Variants in MCAM observed in about 807,000 individuals in gnomAD.
MCAM encodes the protein melanoma cell adhesion molecule, also known as cell surface glycoprotein MUC18.
Under a neutral mutation model 79.1 loss-of-function variants are expected in MCAM, and 55 were observed. That is an observed-to-expected ratio of 0.70 (90% CI 0.56 to 0.87). MCAM has a LOEUF of 0.87. Among genes scored for constraint, MCAM ranks in the 40% least tolerant of loss-of-function variants. The probability of loss-of-function intolerance (pLI) is 0.00; values close to 1 mark genes in which losing one functional copy is unlikely to be tolerated. For synonymous variants in MCAM, 330 were observed against 339.8 expected (o/e 0.97, Z 0.32); for missense variants, 745 against 839.8 (o/e 0.89, Z 1.40).
rs1484623052 is a variant in MCAM at position 119,315,123 on chromosome 11, G to C, written c.192+16C>G. 1 of 1,613,270 alleles carries C rather than the reference G, an allele frequency of 6.2e-7. No individual in the cohort carries two copies. The highest frequency in any genetic ancestry group is 1.7e-5 in the Admixed American group (1 of 60,028). On this transcript the variant is annotated intron_variant, in intron 2 of 15. Coordinates refer to ENST00000264036, the MANE Select transcript of MCAM (RefSeq NM_006500.3). This position sits in a 1 kb window ranked among gnomAD's most constrained non-coding sequence, Gnocchi z 4.4. ...CTCCCTCCCCGGGCTGCTCTTGCAGGAGCCCAAGCACTCACAGAAAACCAG... is the reference window on the plus strand; with the variant it reads ...CTCCCTCCCCGGGCTGCTCTTGCAGCAGCCCAAGCACTCACAGAAAACCAG...
Position 119,312,723 on chromosome 11 carries a change from T to TCCAGCAGCC in MCAM, c.739+38_739+46dup. ...GGATAAGGGGGAGCCAGCAGGAGTT[T>TCCAGCAGCC]CCAGCAGCCCCAGCCCCAGTAAGCA... is the stretch of plus-strand genomic sequence containing the variant. On this transcript the variant is annotated intron_variant, in intron 6 of 15. Transcript: ENST00000264036. This position sits in a 1 kb window ranked among gnomAD's most constrained non-coding sequence, Gnocchi z 4.9. 6.2e-7 allele frequency: 1 copy of TCCAGCAGCC among 1,613,128 alleles called. No individual in the cohort carries two copies. Among genetic ancestry groups the TCCAGCAGCC allele is most frequent in the African/African-American group, 1.3e-5 (1 of 74,980 alleles).
In MCAM at chr11:119,309,914, C is replaced by G. The variant is rs150531273; in HGVS notation, c.1913G>C (p.Gly638Ala). The G allele has an allele frequency of 6.2e-6, 10 of 1,601,090 alleles. No individual in the cohort carries two copies. In the African/African-American group the frequency reaches 1.3e-4, roughly 21 times the overall value. The change falls in exon 16 of 16, where the codon GGA (glycine) becomes GCA (alanine). Residue 638 changes from glycine to alanine, a missense_variant and splice_region_variant. Physicochemically the swap from Gly to Ala is moderately conservative, Grantham distance 60 (BLOSUM62 0). Coordinates refer to ENST00000264036, the MANE Select transcript of MCAM (RefSeq NM_006500.3). ...ATGCCTCAGATCGATGTATTTCTCT[C>G]CCTAAAAGTGGGTAGAGGAGAAGAG... ...SGDKRAPGDQ[G>A]EKYIDLRH is the part of the protein sequence containing the mutation.
In MCAM at chr11:119,316,627, A is replaced by C; in HGVS notation, c.67+408T>G. 6.0e-6 allele frequency: 1 copy of C among 166,752 alleles called. No homozygotes were observed. The allele number at this position is 166,752 out of a possible 1,614,324, so 10.3% of individuals were successfully genotyped here. On this transcript the variant is annotated intron_variant, in intron 1 of 15. Coordinates refer to ENST00000264036, the MANE Select transcript of MCAM (RefSeq NM_006500.3). This position sits in a 1 kb window ranked among gnomAD's most constrained non-coding sequence, Gnocchi z 4.8. ...TGGGTCGGCGCACCCCCTCCAGCGA[A>C]GGAAGCTGCCTTTTCCAGCAACAGG... is the stretch of plus-strand genomic sequence containing the variant.
At position 119,314,745 on chromosome 11, in the gene MCAM, A is replaced by G; in HGVS notation, c.405T>C (p.Ala135=). The change falls in exon 4 of 16, where the codon GCT becomes GCC. Residue 135 remains alanine, a synonymous_variant. Coordinates refer to ENST00000264036, the MANE Select transcript of MCAM (RefSeq NM_006500.3). ...EYRIQLRVYK[A]PEEPNIQVNP... Reference sequence around the variant, plus strand: ...TGACCTGGATGTTTGGCTCCTCCGGAGCTTCTACAAGAAAATAGAAATGAG... The same window carrying G: ...TGACCTGGATGTTTGGCTCCTCCGGGGCTTCTACAAGAAAATAGAAATGAG... The G allele has an allele frequency of 6.2e-7, 1 of 1,613,710 alleles. No homozygotes were observed. Among genetic ancestry groups the G allele is most frequent in the Non-Finnish European group, 8.5e-7 (1 of 1,179,928 alleles).
rs374265729 is a variant in MCAM, at chr11:119,312,439, T to C, written c.862-11A>G. 6.1e-5 allele frequency: 99 copies of C among 1,613,358 alleles called. 1 individual carries two copies. The highest frequency in any genetic ancestry group is 2.2e-4 in the Admixed American group (13 of 59,968). ...CCTGGTGCTGGGGTTCTAGGGAGGATTGGGGAGGTGAGCAGAGTGCACCTC... is the reference window on the plus strand; with the variant it reads ...CCTGGTGCTGGGGTTCTAGGGAGGACTGGGGAGGTGAGCAGAGTGCACCTC... On this transcript the variant is annotated splice_polypyrimidine_tract_variant and intron_variant, in intron 7 of 15. Transcript: ENST00000264036. This position sits in a 1 kb window ranked among gnomAD's most constrained non-coding sequence, Gnocchi z 4.9.
In MCAM at chr11:119,310,940, C is replaced by T. The variant is rs768376900; in HGVS notation, c.1646-37G>A. The T allele has an allele frequency of 2.5e-6, 4 of 1,613,904 alleles. No individual in the cohort carries two copies. In the African/African-American group the frequency reaches 5.3e-5, roughly 22 times the overall value. ...AGACACTCCTCGTCACTCCCTGCCC[C>T]AGGCCACTTCGTCACCATCGTTGGC... On this transcript the variant is annotated intron_variant, in intron 13 of 15. Coordinates refer to ENST00000264036, the MANE Select transcript of MCAM (RefSeq NM_006500.3).
Position 119,312,764 on chromosome 11 carries a change from A to G in MCAM, c.739+6T>C. Reference sequence around the variant, plus strand: ...CCAGTAAGCAGAGAGTCAGGTTAGTACTCACAGAAAACAGGGACGGTGACT... The same window carrying G: ...CCAGTAAGCAGAGAGTCAGGTTAGTGCTCACAGAAAACAGGGACGGTGACT... On this transcript the variant is annotated splice_donor_region_variant and intron_variant, in intron 6 of 15. Coordinates refer to ENST00000264036, the MANE Select transcript of MCAM (RefSeq NM_006500.3). This position sits in a 1 kb window ranked among gnomAD's most constrained non-coding sequence, Gnocchi z 4.9. 1 of 1,613,856 alleles carries G rather than the reference A, an allele frequency of 6.2e-7. No homozygotes were observed. Among genetic ancestry groups the G allele is most frequent in the East Asian group, 2.2e-5 (1 of 44,864 alleles).
Position 119,311,095 on chromosome 11 carries a change from G to A in MCAM, c.1640C>T (p.Ser547Phe), listed in dbSNP as rs1480924168. The change falls in exon 13 of 16, where the codon TCC (serine) becomes TTC (phenylalanine). Residue 547 changes from serine to phenylalanine, a missense_variant. Ser to Phe is a radical substitution (Grantham distance 155). Coordinates refer to ENST00000264036, the MANE Select transcript of MCAM (RefSeq NM_006500.3). The surrounding 1 kb of genome is among the most constrained non-coding windows in gnomAD (Gnocchi z 4.4). The part of the protein sequence containing the change: ...ASPHTRANST[S>F]TERKLPEPES... Reference sequence around the variant, plus strand: ...TCTTGCCAGGCCTGGCTTACCTGTGGAGGTGCTGTTGGCTCTGGTATGAGG... The same window carrying A: ...TCTTGCCAGGCCTGGCTTACCTGTGAAGGTGCTGTTGGCTCTGGTATGAGG... 1.9e-6 allele frequency: 3 copies of A among 1,614,156 alleles called. No individual in the cohort carries two copies. Among genetic ancestry groups the A allele is most frequent in the Non-Finnish European group, 2.5e-6 (3 of 1,180,060 alleles).
rs1323992947 is a variant in MCAM, at chr11:119,316,470, C to T, written c.67+565G>A. The stretch of plus-strand genomic sequence containing the variant: ...ATCTCTGTCCCCTATGATCCCATCA[C>T]TCGGGGAGGCGCGAGGCGACCCACA... On this transcript the variant is annotated intron_variant, in intron 1 of 15. Coordinates refer to ENST00000264036, the MANE Select transcript of MCAM (RefSeq NM_006500.3). This position sits in a 1 kb window ranked among gnomAD's most constrained non-coding sequence, Gnocchi z 4.8. 1 of 153,432 alleles carries T rather than the reference C, an allele frequency of 6.5e-6. No homozygotes were observed. The highest frequency in any genetic ancestry group is 2.4e-5 in the African/African-American group (1 of 41,458). 9.5% of individuals were successfully genotyped at this position (153,432 alleles called of 1,614,324 possible).
Position 119,314,453 on chromosome 11 carries a change from G to T in MCAM, c.559+36C>A, listed in dbSNP as rs752244464. The stretch of plus-strand genomic sequence containing the variant: ...TTACAGGTGTGAGCTACCACACCTG[G>T]CCCAAGGGTGGCTTTTGGGAGAAAG... On this transcript the variant is annotated intron_variant, in intron 5 of 15. Coordinates refer to ENST00000264036, the MANE Select transcript of MCAM (RefSeq NM_006500.3). 9 of 1,570,310 alleles carry T rather than the reference G, an allele frequency of 5.7e-6. No homozygotes were observed. The South Asian group carries it at 1.0e-4, about 17-fold the overall frequency.
Position 119,315,448 on chromosome 11 carries a change from G to A in MCAM, c.68-185C>T, listed in dbSNP as rs1001627138. 1 of 654,606 alleles carries A rather than the reference G, an allele frequency of 1.5e-6. No homozygotes were observed. The highest frequency in any genetic ancestry group is 1.8e-5 in the African/African-American group (1 of 54,748). 40.5% of individuals were successfully genotyped at this position (654,606 alleles called of 1,614,324 possible). ...CTGGGCCAGCCCTCTCCCCGTCCAG[G>A]AGATCCCAGGTCCTTGGAGCCAAGC... On this transcript the variant is annotated intron_variant, in intron 1 of 15. Transcript: ENST00000264036. This position sits in a 1 kb window ranked among gnomAD's most constrained non-coding sequence, Gnocchi z 4.4.
intron 5 of MCAM, 105 bp downstream of exon 5, chr11:119,314,384 C>T: frequency 9.7e-7 from 1 of 1,026,260 alleles, no homozygotes; most frequent in Non-Finnish European, 1.5e-6. Flanking sequence ...CTGAACTCCT[C>T]ACCTCCAGAG....
chr11:119,314,405 C>CT, intron 5 of MCAM, 84 bp downstream of exon 5: 1 of 1,231,608 alleles, frequency 8.1e-7, no homozygotes, highest in Non-Finnish European at 1.2e-6. Flanking sequence ...ATCCTCCTGC[C>CT]TTGGCCTCCC....
In MCAM at chr11:119,316,905, G is replaced by C. The variant is rs893747585; in HGVS notation, c.67+130C>G. 2 of 726,490 alleles carry C rather than the reference G, an allele frequency of 2.8e-6. No homozygotes were observed. Among genetic ancestry groups the C allele is most frequent in the South Asian group, 1.9e-5 (1 of 52,090 alleles). The allele number at this position is 726,490 out of a possible 1,614,324, so 45.0% of individuals were successfully genotyped here. On this transcript the variant is annotated intron_variant, in intron 1 of 15. Coordinates refer to ENST00000264036, the MANE Select transcript of MCAM (RefSeq NM_006500.3). The surrounding 1 kb of genome is among the most constrained non-coding windows in gnomAD (Gnocchi z 4.8). ...CTCGCGCGCAAGGCGCCCGGGGATC[G>C]GGGACCCAGGGAGGAGGCTCGTCCT...
At position 119,312,124 on chromosome 11, in the gene MCAM, T is replaced by C. The variant is rs754618585; in HGVS notation, c.1071A>G (p.Glu357=). The C allele has an allele frequency of 3.7e-6, 6 of 1,613,218 alleles. No individual in the cohort carries two copies. Among genetic ancestry groups the C allele is most frequent in the Non-Finnish European group, 5.1e-6 (6 of 1,179,756 alleles). The change falls in exon 9 of 16, where the codon GAA becomes GAG. Residue 357 remains glutamate (E), a synonymous_variant. Coordinates refer to ENST00000264036, the MANE Select transcript of MCAM (RefSeq NM_006500.3). This position sits in a 1 kb window ranked among gnomAD's most constrained non-coding sequence, Gnocchi z 4.9. The stretch of plus-strand genomic sequence containing the variant: ...CACAGGTCAGGGTGAGGCTGCTGCC[T>C]TCCTGTCTCTCAGGGGCTGCGGGAC... The part of the protein sequence containing the change: ...RVSPAAPERQ[E]GSSLTLTCEA...
rs765044934 is a variant in MCAM at position 119,312,916 on chromosome 11, G to C, written c.593C>G (p.Ser198Trp). ...ACTCTGCAAGGTGTACAAACCACTC[G>C]ACTCCACAGTCTGGGACGACTGAAT... ...VHIQSSQTVE[S>W]SGLYTLQSIL... Residue 198 changes from serine (S) to tryptophan (W), a missense_variant, in exon 6 of 16, where the codon TCG (serine) becomes TGG (tryptophan). By Grantham distance (177) the Ser-to-Trp change is radical. Coordinates refer to ENST00000264036, the MANE Select transcript of MCAM (RefSeq NM_006500.3). The surrounding 1 kb of genome is among the most constrained non-coding windows in gnomAD (Gnocchi z 4.9). 6.2e-7 allele frequency: 1 copy of C among 1,614,096 alleles called. No homozygotes were observed. Among genetic ancestry groups the C allele is most frequent in the South Asian group, 1.1e-5 (1 of 91,074 alleles).
At position 119,310,844 on chromosome 11, in the gene MCAM, T is replaced by G; in HGVS notation, c.1705A>C (p.Ile569Leu). The G allele has an allele frequency of 6.2e-7, 1 of 1,614,154 alleles. No individual in the cohort carries two copies. Among genetic ancestry groups the G allele is most frequent in the Non-Finnish European group, 8.5e-7 (1 of 1,180,028 alleles). ...GVVIVAVIVC[I>L]LVLAVLGAVL... is the part of the protein sequence containing the mutation. ...GCGCCCAGCACCGCCAGGACCAGGA[T>G]GCACACAATCACAGCCACGATGACC... The change falls in exon 14 of 16, where the codon ATC becomes CTC. Residue 569 changes from isoleucine to leucine, a missense_variant. By Grantham distance (5) the Ile-to-Leu change is conservative. Transcript: ENST00000264036.
At position 119,309,930 on chromosome 11, in the gene MCAM, A is replaced by G. The variant is rs1950203563; in HGVS notation, c.1912-15T>C. On this transcript the variant is annotated splice_polypyrimidine_tract_variant and intron_variant, in intron 15 of 15. Transcript: ENST00000264036. ...TATTTCTCTCCCTAAAAGTGGGTAG[A>G]GGAGAAGAGGGGAACACGGAGACGG... 1 of 1,598,586 alleles carries G rather than the reference A, an allele frequency of 6.3e-7. No individual in the cohort carries two copies.
chr11:119,316,856 C>T lies in MCAM; in HGVS notation c.67+179G>A, dbSNP rs1036390586. 3.6e-6 allele frequency: 2 copies of T among 557,026 alleles called. No homozygotes were observed. The highest frequency in any genetic ancestry group is 4.1e-5 in the African/African-American group (2 of 49,306). The allele number at this position is 557,026 out of a possible 1,614,324, so 34.5% of individuals were successfully genotyped here. A position where few individuals can be genotyped will look rare whatever the true frequency, so the allele number is the denominator to read the frequency against. On this transcript the variant is annotated intron_variant, in intron 1 of 15. Coordinates refer to ENST00000264036, the MANE Select transcript of MCAM (RefSeq NM_006500.3). This position sits in a 1 kb window ranked among gnomAD's most constrained non-coding sequence, Gnocchi z 4.8. ...CCGGGATACTCTAGAATCCCGGCTG[C>T]AAACTGGCTGCAAAGAAGAGTTGCT...
Sources: gnomAD v4.1 joint callset for allele counts on GRCh38, gnomAD v4.1.1 for gene constraint, Gnocchi (gnomAD v3.1) non-coding constraint, MANE v1.5 for transcripts, NCBI Gene and HGNC (gene_info 2026-07-23, HGNC 2026-07-21) for gene names.